The following FAM81A variants were observed in gnomAD, a reference collection of about 807,000 sequenced individuals.
The protein encoded by FAM81A is protein FAM81A.
In FAM81A, 19 loss-of-function variants were observed where a neutral mutation model predicts 46.7. The ratio of observed to expected loss-of-function variants is 0.41; its 90% CI spans 0.28 to 0.60. FAM81A has a LOEUF of 0.60. Ranked by LOEUF, FAM81A falls within the 20% of genes least tolerant of loss-of-function variation. The probability of loss-of-function intolerance (pLI) is 0.34; values close to 1 mark genes in which losing one functional copy is unlikely to be tolerated. For synonymous variants in FAM81A, 183 were observed against 152.9 expected, an observed-to-expected ratio of 1.20 and a Z score of -1.45; for missense variants, 377 against 453.5, an observed-to-expected ratio of 0.83 and a Z score of 1.53.
chr15:59,506,963 A>G lies in FAM81A; in HGVS notation c.414-250A>G, dbSNP rs140663377. ...CCTCTCGCTGCACATACAGTGTTGT[A>G]CTCATGATCGTTGGAAAGACTTTAT... On this transcript the variant is annotated intron_variant, in intron 4 of 8. Transcript: ENST00000288228. Among the ~76,000 whole-genome samples the G allele has an allele frequency of 3.0e-3, 450 of 152,264 alleles. 2 individuals carry two copies. The highest frequency in any genetic ancestry group is 0.01 in the African/African-American group (416 of 41,542).
At chr15:59,486,362 A>T (rs1264720763) in intron 3 of FAM81A, among the ~76,000 whole-genome samples, 2 of 152,112 alleles carry the variant, frequency 1.3e-5, no homozygotes, top group Non-Finnish European at 2.9e-5. Flanking sequence ...CAAAAAAAGA[A>T]TGAAAAAAAT....
At chr15:59,495,923 C>A (rs1017059872) in intron 4 of FAM81A, among the ~76,000 whole-genome samples, 1 of 152,070 alleles carries the variant, frequency 6.6e-6, no homozygotes, top group Non-Finnish European at 1.5e-5. Flanking sequence ...AGATATAATT[C>A]CCTTATCAGA....
intron 2 of FAM81A, among the ~76,000 whole-genome samples, chr15:59,417,492 G>A (rs1318935711): frequency 6.6e-6 from 1 of 151,866 alleles, no homozygotes; most frequent in Admixed American, 6.6e-5. Flanking sequence ...GGTCACTTGA[G>A]GTCAGGAGTT....
chr15:59,425,198 C>G (rs2081189914), intron 2 of FAM81A, among the ~76,000 whole-genome samples: 1 of 152,072 alleles, frequency 6.6e-6, no homozygotes, highest in African/African-American at 2.4e-5. Flanking sequence ...AGGGCATAGA[C>G]CACGCAATGA....
intron 3 of FAM81A, among the ~76,000 whole-genome samples, chr15:59,479,519 G>GAAAAAAAAAAAAAAAAAAA (rs57107735): frequency 2.6e-4 from 19 of 72,678 alleles, no homozygotes; most frequent in South Asian, 5.4e-4. Context: ...TCAAAAATAA[G>GAAAAAAAAAAAAAAAAAAA]AAAAAAAAAA....
chr15:59,501,151 C>T (rs905461544), intron 4 of FAM81A, among the ~76,000 whole-genome samples: 1 of 152,058 alleles, frequency 6.6e-6, no homozygotes, highest in East Asian at 1.9e-4. Flanking sequence ...ATTTGTTTAG[C>T]GACTTGAATG....
At chr15:59,449,709 G>A (rs535879013) in intron 1 of FAM81A, among the ~76,000 whole-genome samples, 3 of 147,708 alleles carry the variant, frequency 2.0e-5, no homozygotes, top group South Asian at 2.1e-4. Context: ...GTGAACCCGG[G>A]AAGCGGAGCT....
intron 4 of FAM81A, among the ~76,000 whole-genome samples, chr15:59,506,439 C>CAA (rs2082149952): frequency 2.0e-5 from 3 of 152,124 alleles, no homozygotes; most frequent in Admixed American, 6.6e-5. Context: ...GAGTGCTGTT[C>CAA]TAGGCCCACC....
rs1461668726 is a variant in FAM81A at position 59,507,338 on chromosome 15, G to A, written c.539G>A (p.Gly180Glu). Residue 180 changes from glycine to glutamate, a missense_variant, in exon 5 of 9, where the codon GGA becomes GAA. Physicochemically the swap from Gly to Glu is moderately conservative, Grantham distance 98. Transcript: ENST00000288228. ...ILETKIKDAE[G>E]QISQLLNRVD... is the part of the protein sequence containing the mutation. ...GAAACGAAAATCAAAGATGCAGAGG[G>A]ACAGGTACGACCTGTTTCAGGTAGC... 6.2e-7 allele frequency: 1 copy of A among 1,611,604 alleles called. No homozygotes were observed. The highest frequency in any genetic ancestry group is 8.5e-7 in the Non-Finnish European group (1 of 1,178,894).
At chr15:59,436,443 TAAG>T (rs1456744001), upstream of FAM81A, among the ~76,000 whole-genome samples, 1 of 151,948 alleles carries the variant, frequency 6.6e-6, no homozygotes, top group African/African-American at 2.4e-5. Flanking sequence ...GGTAGAGTAA[TAAG>T]AAGAGGAAGA....
chr15:59,460,246 A>G lies in FAM81A; in HGVS notation c.294+40A>G. The G allele has an allele frequency of 6.2e-7, 1 of 1,613,664 alleles. No individual in the cohort carries two copies. The highest frequency in any genetic ancestry group is 8.5e-7 in the Non-Finnish European group (1 of 1,179,822). On this transcript the variant is annotated intron_variant, in intron 3 of 8. Transcript: ENST00000288228. The surrounding 1 kb of genome is among the most constrained non-coding windows in gnomAD (Gnocchi z 4.4). ...AGTCAGGTGGCCTATGTCCCTTTCC[A>G]CAGAATTGCTCCATGTCAGGAGGTC...
chr15:59,516,916 A>G (rs996494848), intron 8 of FAM81A, 76 bp downstream of exon 8: 3 of 1,330,226 alleles, frequency 2.3e-6, no homozygotes, highest in African/African-American at 3.0e-5. Flanking sequence ...ATCCCCTGCA[A>G]CTACCTATGA....
intron 3 of FAM81A, among the ~76,000 whole-genome samples, chr15:59,479,019 C>G (rs1340948314): frequency 6.6e-6 from 1 of 152,220 alleles, no homozygotes; most frequent in Non-Finnish European, 1.5e-5. Flanking sequence ...CACTAATCCA[C>G]TAACCCACTA....
chr15:59,447,415 A>G (rs1387133470), intron 1 of FAM81A, among the ~76,000 whole-genome samples: 3 of 152,220 alleles, frequency 2.0e-5, no homozygotes, highest in Non-Finnish European at 4.4e-5. Flanking sequence ...CTAGCCCAGT[A>G]TATTTCTTCC....
At chr15:59,399,711 C>A (rs995711785) in intron 1 of FAM81A, among the ~76,000 whole-genome samples, 5 of 152,096 alleles carry the variant, frequency 3.3e-5, no homozygotes, top group Non-Finnish European at 4.4e-5. Flanking sequence ...GAATTCTCTC[C>A]CTATGCGAGG....
At chr15:59,476,736 G>A (rs12913291) in intron 3 of FAM81A, among the ~76,000 whole-genome samples, 117,731 of 151,892 alleles carry the variant, frequency 0.78, 45,759 homozygotes, top group East Asian at 0.85. Flanking sequence ...GTTGCAGTGA[G>A]CCAGGATCAT....
intron 7 of FAM81A, 120 bp from the exon 8 acceptor site, chr15:59,516,525 C>T (rs2082268712): frequency 3.1e-6 from 3 of 960,476 alleles, no homozygotes; most frequent in African/African-American, 1.7e-5. Context: ...TGGTGGGCAA[C>T]AAGCAGCTGT....
intron 2 of FAM81A, among the ~76,000 whole-genome samples, chr15:59,414,483 G>C (rs1567037415): frequency 6.6e-6 from 1 of 152,210 alleles, no homozygotes; most frequent in Non-Finnish European, 1.5e-5. Context: ...TCACAGGGGA[G>C]AGAGGAGGAG....
chr15:59,477,589 A>G (rs1207795688), intron 3 of FAM81A, among the ~76,000 whole-genome samples: 1 of 152,234 alleles, frequency 6.6e-6, no homozygotes, highest in Non-Finnish European at 1.5e-5. Context: ...ATGTTTTCAA[A>G]CCATTACCCT....
Sources: gnomAD v4.1 joint callset for allele counts (sites outside exome capture counted in the v4.1 genomes callset) on GRCh38, gnomAD v4.1.1 for gene constraint, Gnocchi (gnomAD v3.1) non-coding constraint, MANE v1.5 for transcripts, NCBI Gene and HGNC (gene_info 2026-07-23, HGNC 2026-07-21) for gene names.